The following MAP1A variants were observed in gnomAD, a reference collection of about 807,000 sequenced individuals.
MAP1A encodes microtubule-associated protein 1A.
A neutral mutation model predicts 185.9 loss-of-function variants in MAP1A; 42 were observed. That is an observed-to-expected ratio of 0.23 (90% confidence interval 0.18 to 0.29). The LOEUF is 0.29. Ranked by LOEUF, MAP1A falls within the 10% of genes least tolerant of loss-of-function variation. The pLI, the probability that MAP1A is intolerant of heterozygous loss-of-function variation, is 1.00. For synonymous variants in MAP1A, 1,229 were observed against 1,335.9 expected (o/e 0.92, Z 1.74); for missense variants, 2,995 against 3,450.4 (o/e 0.87, Z 3.31).
At chr15:43,511,336 C>G (rs1196856220) in intron 1 of MAP1A, 2 of 823,318 alleles carry the variant, frequency 2.4e-6, no homozygotes, top group Non-Finnish European at 3.9e-6. Context: ...GTGTGCACTT[C>G]CTGAGATCTG....
rs2079345478 is a variant in MAP1A, at chr15:43,526,715, C to T, written c.5242C>T (p.Arg1748Trp). Residue 1748 changes from arginine (R) to tryptophan (W), a missense_variant, in exon 4 of 6, where the codon CGG becomes TGG. Coordinates refer to ENST00000300231, the MANE Select transcript of MAP1A (RefSeq NM_002373.6). The surrounding 1 kb of genome is among the most constrained non-coding windows in gnomAD (Gnocchi z 4.7). The stretch of plus-strand genomic sequence containing the variant: ...AGTACCCCTGCGGGAACACGCAACC[C>T]GGAGCCCCTGGGCCTCAGACTTCAA... ...QEVPLREHAT[R>W]SPWASDFKDF... 14 of 1,613,902 alleles carry T rather than the reference C, an allele frequency of 8.7e-6. No homozygotes were observed. Among genetic ancestry groups the T allele is most frequent in the Non-Finnish European group, 1.0e-5 (12 of 1,180,016 alleles).
chr15:43,518,427 C>T (rs1388056692), intron 1 of MAP1A, among the ~76,000 whole-genome samples: 1 of 152,116 alleles, frequency 6.6e-6, no homozygotes, highest in Non-Finnish European at 1.5e-5. Context: ...GCCCTACCCC[C>T]ACCTCATCTC....
chr15:43,515,144 G>A (rs545354685), upstream of MAP1A, among the ~76,000 whole-genome samples: 35 of 152,310 alleles, frequency 2.3e-4, no homozygotes, highest in Non-Finnish European at 4.7e-4. Context: ...AGGAGACAGA[G>A]GTTGCAGTGA....
In MAP1A at chr15:43,525,750, A is replaced by G. The variant is rs1471328251; in HGVS notation, c.4277A>G (p.Asp1426Gly). 1 of 1,614,220 alleles carries G rather than the reference A, an allele frequency of 6.2e-7. No individual in the cohort carries two copies. The highest frequency in any genetic ancestry group is 2.2e-5 in the East Asian group (1 of 44,888). ...AAAGACACAGCCCTAGAACAGAAGG[A>G]CAAGGCCCTGGAACCAAAAGACAAA... ...EQKDTALEQK[D>G]KALEPKDKDL... is the part of the protein sequence containing the mutation. The change falls in exon 4 of 6, where the codon GAC (aspartate) becomes GGC (glycine). Residue 1426 changes from aspartate (D) to glycine (G), a missense_variant. Transcript: ENST00000300231.
In MAP1A at chr15:43,526,805, G is replaced by A. The variant is rs771905947; in HGVS notation, c.5332G>A (p.Val1778Ile). ...GGAGCGCTGGCTTGCTGAATCACCA[G>A]TTGGGTTGCCACCAGAGGAAGAGGA... ...EVERWLAESP[V>I]GLPPEEEDKL... The change falls in exon 4 of 6, where the codon GTT becomes ATT. Residue 1778 changes from valine to isoleucine, a missense_variant. Physicochemically the swap from Val to Ile is conservative, Grantham distance 29 (BLOSUM62 3). Transcript: ENST00000300231. The surrounding 1 kb of genome is among the most constrained non-coding windows in gnomAD (Gnocchi z 4.7). 1 of 1,614,146 alleles carries A rather than the reference G, an allele frequency of 6.2e-7. No individual in the cohort carries two copies. The highest frequency in any genetic ancestry group is 1.7e-5 in the Admixed American group (1 of 60,032).
chr15:43,514,078 G>A (rs781072776), upstream of MAP1A, among the ~76,000 whole-genome samples: 2 of 152,186 alleles, frequency 1.3e-5, no homozygotes, highest in Non-Finnish European at 2.9e-5. Context: ...CTTACAGAGA[G>A]AACATAGTTA....
Position 43,522,891 on chromosome 15 carries a change from A to G in MAP1A, c.1418A>G (p.Lys473Arg). The G allele has an allele frequency of 6.2e-7, 1 of 1,612,298 alleles. No homozygotes were observed. Among genetic ancestry groups the G allele is most frequent in the Non-Finnish European group, 8.5e-7 (1 of 1,179,110 alleles). The change falls in exon 4 of 6, where the codon AAG becomes AGG. Residue 473 changes from lysine (K) to arginine (R), a missense_variant. Physicochemically the swap from Lys to Arg is conservative, Grantham distance 26. Coordinates refer to ENST00000300231, the MANE Select transcript of MAP1A (RefSeq NM_002373.6). The surrounding 1 kb of genome is among the most constrained non-coding windows in gnomAD (Gnocchi z 5.9). ...DLKPFTPEVRKTLYKAKVPGR... is the reference protein window; with the variant it reads ...DLKPFTPEVRRTLYKAKVPGR... ...AAGCCCTTTACTCCTGAGGTACGTA[A>G]GACCCTCTATAAAGCCAAGGTCCCT... is the stretch of plus-strand genomic sequence containing the variant.
chr15:43,513,155 C>T (rs1224911697), upstream of MAP1A, among the ~76,000 whole-genome samples: 1 of 152,058 alleles, frequency 6.6e-6, no homozygotes, highest in Non-Finnish European at 1.5e-5. Flanking sequence ...GGAGAAACCC[C>T]GCCTCTACTA....
Position 43,526,401 on chromosome 15 carries a change from G to A in MAP1A, c.4928G>A (p.Gly1643Glu). Residue 1643 changes from glycine (G) to glutamate (E), a missense_variant, in exon 4 of 6, where the codon GGG (glycine) becomes GAG (glutamate). Coordinates refer to ENST00000300231, the MANE Select transcript of MAP1A (RefSeq NM_002373.6). The surrounding 1 kb of genome is among the most constrained non-coding windows in gnomAD (Gnocchi z 4.7). ...AREQEEKYWRGQDVVQEWQET... is the reference protein window; with the variant it reads ...AREQEEKYWREQDVVQEWQET... ...GAGCAGGAAGAAAAGTACTGGAGGG[G>A]GCAGGATGTGGTCCAGGAGTGGCAA... 5.0e-6 allele frequency: 8 copies of A among 1,614,202 alleles called. No individual in the cohort carries two copies. The highest frequency in any genetic ancestry group is 6.8e-6 in the Non-Finnish European group (8 of 1,180,026).
Position 43,521,161 on chromosome 15 carries a change from T to G in MAP1A, c.-151+49T>G, listed in dbSNP as rs1595646642. ...GGGAGAAAGGGTAGCACTAGAGCTG[T>G]GGGAGGGATCTAAGGGAAAGTCTCA... On this transcript the variant is annotated intron_variant, in intron 3 of 5. Transcript: ENST00000300231. This position sits in a 1 kb window ranked among gnomAD's most constrained non-coding sequence, Gnocchi z 4.6. 3 of 1,517,910 alleles carry G rather than the reference T, an allele frequency of 2.0e-6. No homozygotes were observed. The highest frequency in any genetic ancestry group is 2.6e-6 in the Non-Finnish European group (3 of 1,136,410). 94.0% of individuals were successfully genotyped at this position (1,517,910 alleles called of 1,614,324 possible).
exon 1 of MAP1A, chr15:43,511,108 G>A: frequency 6.5e-7 from 1 of 1,550,364 alleles, no homozygotes; most frequent in Non-Finnish European, 8.7e-7. Flanking sequence ...TGCTGTGCGA[G>A]GCCGGAGCCG....
intron 1 of MAP1A, among the ~76,000 whole-genome samples, chr15:43,519,005 C>A (rs2079309729): frequency 6.6e-6 from 1 of 152,088 alleles, no homozygotes; most frequent in South Asian, 2.1e-4. Flanking sequence ...TGGTTGGGGG[C>A]AGGGAGGGGT....
Position 43,527,530 on chromosome 15 carries a change from T to G in MAP1A, c.6057T>G (p.Ser2019=). Residue 2019 remains serine, a synonymous_variant, in exon 4 of 6, where the codon TCT becomes TCG. Transcript: ENST00000300231. Reference sequence around the variant, plus strand: ...CATCTGCAGAGAAGGAGCTTTCATCTCCTATCTCACCCAAGAGCCTCCAGT... The same window carrying G: ...CATCTGCAGAGAAGGAGCTTTCATCGCCTATCTCACCCAAGAGCCTCCAGT... The part of the protein sequence containing the change: ...RNTSAEKELS[S]PISPKSLQSD... 6.2e-7 allele frequency: 1 copy of G among 1,613,952 alleles called. No individual in the cohort carries two copies. The highest frequency in any genetic ancestry group is 1.3e-5 in the African/African-American group (1 of 74,968).
Position 43,520,632 on chromosome 15 carries a change from C to A in MAP1A, c.-374-9C>A. 2 of 1,512,820 alleles carry A rather than the reference C, an allele frequency of 1.3e-6. No homozygotes were observed. The highest frequency in any genetic ancestry group is 1.4e-5 in the African/African-American group (1 of 72,296). The allele number at this position is 1,512,820 out of a possible 1,614,324, so 93.7% of individuals were successfully genotyped here. A position where few individuals can be genotyped will look rare whatever the true frequency, so the allele number is the denominator to read the frequency against. On this transcript the variant is annotated splice_polypyrimidine_tract_variant and intron_variant, in intron 1 of 5. Transcript: ENST00000300231. ...ATTCTCAATATAAATTCCTACATCT[C>A]TCCCTCAGGCCAGAGGACCCTTTGC...
In MAP1A at chr15:43,528,404, C is replaced by G. The variant is rs752497519; in HGVS notation, c.6931C>G (p.Pro2311Ala). 1 of 1,613,784 alleles carries G rather than the reference C, an allele frequency of 6.2e-7. No homozygotes were observed. The highest frequency in any genetic ancestry group is 8.5e-7 in the Non-Finnish European group (1 of 1,180,034). Residue 2311 changes from proline (P) to alanine (A), a missense_variant, in exon 4 of 6, where the codon CCA (proline) becomes GCA (alanine). Pro to Ala is a conservative substitution (Grantham distance 27). Coordinates refer to ENST00000300231, the MANE Select transcript of MAP1A (RefSeq NM_002373.6). Reference sequence around the variant, plus strand: ...CCTCACTCCTCTGAGCCCAGCACCCCCAGCTTCACTGGACTTGGCCCTAGC... The same window carrying G: ...CCTCACTCCTCTGAGCCCAGCACCCGCAGCTTCACTGGACTTGGCCCTAGC... ...WDLTPLSPAP[P>A]ASLDLALAPA...
At chr15:43,511,266 C>G (rs769961984) in intron 1 of MAP1A, 1 of 1,477,820 alleles carries the variant, frequency 6.8e-7, no homozygotes, top group South Asian at 1.2e-5. Context: ...CATCTCTACC[C>G]TGTGCTTCTC....
In MAP1A at chr15:43,529,226, C is replaced by G; in HGVS notation, c.7753C>G (p.Leu2585Val). 1 of 1,439,934 alleles carries G rather than the reference C, an allele frequency of 6.9e-7. No individual in the cohort carries two copies. The highest frequency in any genetic ancestry group is 3.4e-5 in the East Asian group (1 of 29,520). The allele number at this position is 1,439,934 out of a possible 1,614,324, so 89.2% of individuals were successfully genotyped here. A position where few individuals can be genotyped will look rare whatever the true frequency, so the allele number is the denominator to read the frequency against. ...TGTGTGCATGGCTGACCCCGAGGGGCTCAGCTCAGAGTCTGGGAGAGTAGA... is the reference window on the plus strand; with the variant it reads ...TGTGTGCATGGCTGACCCCGAGGGGGTCAGCTCAGAGTCTGGGAGAGTAGA... The part of the protein sequence containing the change: ...PDVCMADPEG[L>V]SSESGRVERL... Residue 2585 changes from leucine to valine, a missense_variant, in exon 4 of 6, where the codon CTC becomes GTC. By Grantham distance (32) the Leu-to-Val change is conservative. Around this residue, in one of 3 missense-constraint regions of MAP1A, gnomAD observed 2,728 missense variants for 2,986.0 expected, o/e 0.91. Transcript: ENST00000300231. The surrounding 1 kb of genome is among the most constrained non-coding windows in gnomAD (Gnocchi z 4.3).
Position 43,521,137 on chromosome 15 carries a change from G to A in MAP1A, c.-151+25G>A. The A allele has an allele frequency of 1.3e-6, 2 of 1,538,720 alleles. No individual in the cohort carries two copies. Among genetic ancestry groups the A allele is most frequent in the South Asian group, 2.4e-5 (2 of 83,452 alleles). ...GGTAAGTTCCATGCCAGAGTGTCTG[G>A]GAGAAAGGGTAGCACTAGAGCTGTG... On this transcript the variant is annotated intron_variant, in intron 3 of 5. Transcript: ENST00000300231. The surrounding 1 kb of genome is among the most constrained non-coding windows in gnomAD (Gnocchi z 4.6).
At position 43,517,685 on chromosome 15, in the gene MAP1A, C is replaced by T; in HGVS notation, c.-390C>T. 3 of 983,166 alleles carry T rather than the reference C, an allele frequency of 3.1e-6. No homozygotes were observed. The highest frequency in any genetic ancestry group is 1.2e-4 in the East Asian group (1 of 8,662). 60.9% of individuals were successfully genotyped at this position (983,166 alleles called of 1,614,324 possible). On this transcript the variant is annotated 5_prime_UTR_variant, in exon 1 of 6. Transcript: ENST00000300231. ...GAGCTGCCGCCTCCATGAGAGGCTT[C>T]CTCCTACACCCCAGGGTAAGAACCG...
Sources: allele counts gnomAD v4.1 joint callset (sites outside exome capture counted in the v4.1 genomes callset), GRCh38; gene constraint gnomAD v4.1.1; regional missense constraint gnomAD v4.1.1; non-coding constraint Gnocchi (gnomAD v3.1); transcripts MANE v1.5; gene names NCBI Gene and HGNC (gene_info 2026-07-23, HGNC 2026-07-21).